Variants in KGD4 observed in about 807,000 individuals in gnomAD.
The protein encoded by KGD4 is alpha-ketoglutarate dehydrogenase component 4.
chr5:69,217,920 T>A, the KGD4 span: 1 of 1,613,324 alleles, frequency 6.2e-7, no homozygotes, highest in Non-Finnish European at 8.5e-7. Context: ...GGGACGGTGC[T>A]GACTATGGCG....
At chr5:69,226,399 A>G in the KGD4 span, 3 of 1,593,220 alleles carry the variant, frequency 1.9e-6, no homozygotes, top group African/African-American at 2.7e-5. Flanking sequence ...CCTAAACCCA[A>G]TGGTGAGTTG....
chr5:69,224,165 T>G, the KGD4 span, among the ~76,000 whole-genome samples: 3 of 151,816 alleles, frequency 2.0e-5, no homozygotes. Flanking sequence ...CCGAAGCAGG[T>G]GGATCATTTG....
the KGD4 span, chr5:69,230,148 C>T: frequency 1.3e-5 from 2 of 152,014 alleles, no homozygotes; most frequent in Non-Finnish European, 2.9e-5. Context: ...AATTCTCTTC[C>T]ATACCTTTAA....
At chr5:69,224,907 T>C in the KGD4 span, among the ~76,000 whole-genome samples, 1 of 151,676 alleles carries the variant, frequency 6.6e-6, no homozygotes, top group Non-Finnish European at 1.5e-5. Context: ...ACCCCGTCTC[T>C]ACTAAAAGTG....
At chr5:69,219,825 G>A in the KGD4 span, among the ~76,000 whole-genome samples, 644 of 152,148 alleles carry the variant, frequency 4.2e-3, 2 homozygotes, top group Middle Eastern at 0.01. Flanking sequence ...ACCTGGTCTC[G>A]AAAAATAAAT....
At chr5:69,227,559 G>A in the KGD4 span, among the ~76,000 whole-genome samples, 1 of 151,970 alleles carries the variant, frequency 6.6e-6, no homozygotes, top group Non-Finnish European at 1.5e-5. Flanking sequence ...ACATTTTATA[G>A]GTATATTTTT....
chr5:69,218,969 A>G, the KGD4 span, among the ~76,000 whole-genome samples: 2 of 152,212 alleles, frequency 1.3e-5, no homozygotes, highest in Non-Finnish European at 1.5e-5. Flanking sequence ...ATATGTATCA[A>G]TAATATATAA....
At chr5:69,228,139 ACT>A in the KGD4 span, 6 of 1,275,490 alleles carry the variant, frequency 4.7e-6, no homozygotes, top group Non-Finnish European at 6.4e-6. Flanking sequence ...GTATTTTAAG[ACT>A]CAGTATTTTG....
At chr5:69,228,385 C>A in the KGD4 span, 3 of 1,594,624 alleles carry the variant, frequency 1.9e-6, no homozygotes, top group Admixed American at 3.7e-5. Flanking sequence ...GGAATTTATC[C>A]AAGTATGTCG....
At chr5:69,223,004 G>A in the KGD4 span, among the ~76,000 whole-genome samples, 9 of 146,100 alleles carry the variant, frequency 6.2e-5, no homozygotes, top group African/African-American at 2.3e-4. Context: ...TCTTGAATTC[G>A]TGACCTCATG....
the KGD4 span, among the ~76,000 whole-genome samples, chr5:69,218,479 TGTG>T: frequency 6.6e-6 from 1 of 151,470 alleles, no homozygotes; most frequent in Non-Finnish European, 1.5e-5. Flanking sequence ...AATGTGTGTG[TGTG>T]TGTGTGTGTG....
At chr5:69,218,922 G>C in the KGD4 span, among the ~76,000 whole-genome samples, 2 of 152,152 alleles carry the variant, frequency 1.3e-5, no homozygotes, top group African/African-American at 4.8e-5. Flanking sequence ...TAAGGACTGA[G>C]AGACTGACAA....
chr5:69,219,683 C>A, the KGD4 span, among the ~76,000 whole-genome samples: 1 of 151,642 alleles, frequency 6.6e-6, no homozygotes, highest in South Asian at 2.1e-4. Flanking sequence ...TTCGTGATTG[C>A]GCTCTTAAAA....
the KGD4 span, among the ~76,000 whole-genome samples, chr5:69,224,754 C>A: frequency 2.6e-5 from 4 of 151,940 alleles, no homozygotes; most frequent in African/African-American, 9.7e-5. Flanking sequence ...ACAAGCCAGA[C>A]GCTGTCTCAA....
At chr5:69,218,068 G>A in the KGD4 span, 1 of 815,412 alleles carries the variant, frequency 1.2e-6, no homozygotes. Flanking sequence ...TGGGTCCGGC[G>A]CCGAGGGTTC....
the KGD4 span, chr5:69,229,380 A>G: frequency 1.7e-6 from 1 of 586,968 alleles, no homozygotes; most frequent in Non-Finnish European, 2.9e-6. Flanking sequence ...TGTATTTCCT[A>G]ATTTATGTAT....
chr5:69,219,323 G>A, the KGD4 span, among the ~76,000 whole-genome samples: 8 of 152,126 alleles, frequency 5.3e-5, no homozygotes, highest in Non-Finnish European at 8.8e-5. Flanking sequence ...GTCTCTGTAC[G>A]TAAATGTTCA....
chr5:69,228,191 TA>T, the KGD4 span: 1 of 1,534,430 alleles, frequency 6.5e-7, no homozygotes, highest in Non-Finnish European at 8.7e-7. Flanking sequence ...TTTTTTTTTT[TA>T]ATTTCAGTAT....
At chr5:69,219,308 A>G in the KGD4 span, among the ~76,000 whole-genome samples, 2 of 152,204 alleles carry the variant, frequency 1.3e-5, no homozygotes, top group East Asian at 1.9e-4. Flanking sequence ...GTGAATGCAC[A>G]TACTGTCTCT....
Sources: allele counts gnomAD v4.1 joint callset (sites outside exome capture counted in the v4.1 genomes callset), GRCh38; gene constraint gnomAD v4.1.1; transcripts MANE v1.5; gene names NCBI Gene and HGNC (gene_info 2026-07-23, HGNC 2026-07-21).